The following B3GLCT variants were observed in gnomAD, a reference collection of about 807,000 sequenced individuals.
The protein encoded by B3GLCT is beta-1,3-glucosyltransferase.
B3GLCT carries 65 observed loss-of-function variants against 63.4 expected under a neutral mutation model. The ratio of observed to expected loss-of-function variants is 1.03; its 90% CI spans 0.84 to 1.26. B3GLCT has a LOEUF of 1.26. Ranked by LOEUF, B3GLCT falls within the 50% of genes most tolerant of loss-of-function variation. B3GLCT has a pLI of 0.00. For synonymous variants in B3GLCT, 233 were observed against 219.2 expected (o/e 1.06, Z -0.55); for missense variants, 577 against 604.8 (o/e 0.95, Z 0.48).
chr13:31,327,486 G>A (rs528007178), intron 14 of B3GLCT, among the ~76,000 whole-genome samples: 1 of 152,310 alleles, frequency 6.6e-6, no homozygotes, highest in South Asian at 2.1e-4. Context: ...TAGGAATTGT[G>A]TATTTCTGGA....
At chr13:31,247,610 G>A (rs1391636728) in intron 5 of B3GLCT, among the ~76,000 whole-genome samples, 2 of 152,156 alleles carry the variant, frequency 1.3e-5, no homozygotes, top group East Asian at 3.8e-4. Context: ...AATGCTTCAA[G>A]TTGATATTTG....
intron 4 of B3GLCT, among the ~76,000 whole-genome samples, chr13:31,241,460 T>C (rs1482938027): frequency 6.6e-6 from 1 of 152,214 alleles, no homozygotes; most frequent in Non-Finnish European, 1.5e-5. Context: ...TGGTGTGTGA[T>C]GCCCAGCAGG....
At chr13:31,258,826 A>G (rs1377912825) in intron 6 of B3GLCT, among the ~76,000 whole-genome samples, 1 of 152,130 alleles carries the variant, frequency 6.6e-6, no homozygotes, top group African/African-American at 2.4e-5. Flanking sequence ...CTACAACTTG[A>G]TGACTTTTGT....
At chr13:31,266,237 T>A (rs1408999680) in intron 7 of B3GLCT, among the ~76,000 whole-genome samples, 28 of 151,980 alleles carry the variant, frequency 1.8e-4, no homozygotes, top group South Asian at 8.3e-4. Context: ...TGACCTCATG[T>A]TTTGCCCGCC....
Position 31,329,945 on chromosome 13 carries a change from G to GTT in B3GLCT, c.*285_*286dup. The GTT allele has an allele frequency of 1.4e-5, 6 of 417,620 alleles. No homozygotes were observed. The highest frequency in any genetic ancestry group is 2.4e-5 in the South Asian group (1 of 41,842). 25.9% of individuals were successfully genotyped at this position (417,620 alleles called of 1,614,324 possible). ...GTATTCTCCAAGCTGTGATACAGCA[G>GTT]TTTTTTTTTATTGTCACAGGGAAAT... On this transcript the variant is annotated 3_prime_UTR_variant, in exon 15 of 15. Coordinates refer to ENST00000343307, the MANE Select transcript of B3GLCT (RefSeq NM_194318.4).
At chr13:31,240,505 CT>C (rs1232369802) in intron 4 of B3GLCT, among the ~76,000 whole-genome samples, 1 of 146,400 alleles carries the variant, frequency 6.8e-6, no homozygotes, top group Non-Finnish European at 1.5e-5. Flanking sequence ...TTAAAAACAC[CT>C]GATTTTCATT....
chr13:31,272,836 T>A (rs1456913950), intron 8 of B3GLCT, among the ~76,000 whole-genome samples: 3 of 152,300 alleles, frequency 2.0e-5, no homozygotes, highest in African/African-American at 4.8e-5. Flanking sequence ...TATTAACTCA[T>A]CATATATTTG....
intron 2 of B3GLCT, among the ~76,000 whole-genome samples, chr13:31,216,605 C>T (rs574978372): frequency 1.4e-4 from 22 of 152,292 alleles, no homozygotes; most frequent in African/African-American, 4.1e-4. Flanking sequence ...TCCTCCCACC[C>T]GCCACTCTCA....
In B3GLCT at chr13:31,331,014, A is replaced by AC. The variant is rs1258667892; in HGVS notation, c.*1348dup. On this transcript the variant is annotated 3_prime_UTR_variant, in exon 15 of 15. Transcript: ENST00000343307. The stretch of plus-strand genomic sequence containing the variant: ...TTACCATTTTTCCAAATTAGCAACT[A>AC]CCAGACCTCACGTGTTGCAGTGATA... 1 of 152,206 alleles carries AC rather than the reference A, an allele frequency of 6.6e-6. No individual in the cohort carries two copies. Among genetic ancestry groups the AC allele is most frequent in the Non-Finnish European group, 1.5e-5 (1 of 68,036 alleles). 9.4% of individuals were successfully genotyped at this position (152,206 alleles called of 1,614,324 possible). A position where few individuals can be genotyped will look rare whatever the true frequency, so the allele number is the denominator to read the frequency against.
intron 1 of B3GLCT, among the ~76,000 whole-genome samples, chr13:31,207,296 T>G (rs1004971055): frequency 4.6e-5 from 7 of 152,090 alleles, no homozygotes; most frequent in African/African-American, 1.7e-4. Context: ...AATTTTTTTT[T>G]TTTGTTTGAA....
At chr13:31,225,193 C>T (rs921532620) in intron 3 of B3GLCT, among the ~76,000 whole-genome samples, 5 of 152,218 alleles carry the variant, frequency 3.3e-5, no homozygotes, top group Non-Finnish European at 1.5e-5. Flanking sequence ...GGGGGAGAAA[C>T]AATGACAATC....
intron 1 of B3GLCT, among the ~76,000 whole-genome samples, chr13:31,206,321 T>C (rs1489118242): frequency 6.6e-6 from 1 of 152,172 alleles, no homozygotes; most frequent in African/African-American, 2.4e-5. Context: ...ATTCAGAAGA[T>C]CTGAAATGAG....
intron 1 of B3GLCT, among the ~76,000 whole-genome samples, chr13:31,210,446 C>G (rs1428729170): frequency 6.6e-6 from 1 of 152,174 alleles, no homozygotes; most frequent in African/African-American, 2.4e-5. Flanking sequence ...CTGTGTACCC[C>G]TTTGGTTGGG....
At chr13:31,211,583 GT>G (rs978800668) in intron 1 of B3GLCT, among the ~76,000 whole-genome samples, 5 of 149,730 alleles carry the variant, frequency 3.3e-5, no homozygotes, top group African/African-American at 1.2e-4. Flanking sequence ...GACTTTTTTG[GT>G]TTGGGTTTTT....
chr13:31,296,607 A>G (rs1196099335), intron 12 of B3GLCT, among the ~76,000 whole-genome samples: 2 of 152,184 alleles, frequency 1.3e-5, no homozygotes, highest in East Asian at 3.9e-4. Context: ...CATAACAGCT[A>G]CTAGTCTTCT....
chr13:31,229,254 T>A lies in B3GLCT; in HGVS notation c.230T>A (p.Leu77Ter). Residue 77 changes from leucine to a stop codon, truncating the protein, a stop_gained, in exon 4 of 15, where the codon TTA (leucine) becomes TAA (stop). Coordinates refer to ENST00000343307, the MANE Select transcript of B3GLCT (RefSeq NM_194318.4). LOFTEE classifies it high-confidence loss of function. Reference sequence around the variant, plus strand: ...TTTCATGCAAAGAGAGCAGAGCAGTTAAAAAAAAGCATCTTAAAGCAGGCT... The same window carrying A: ...TTTCATGCAAAGAGAGCAGAGCAGTAAAAAAAAAGCATCTTAAAGCAGGCT... Reference protein sequence around the residue: ...NSFHAKRAEQLKKSILKQAAD... With the variant: ...NSFHAKRAEQ 1 of 1,612,610 alleles carries A rather than the reference T, an allele frequency of 6.2e-7. No homozygotes were observed. The highest frequency in any genetic ancestry group is 8.5e-7 in the Non-Finnish European group (1 of 1,178,778).
intron 12 of B3GLCT, 78 bp from the exon 13 acceptor site, chr13:31,317,488 G>A (rs974430668): frequency 2.0e-6 from 3 of 1,521,092 alleles, no homozygotes; most frequent in East Asian, 2.3e-5. Flanking sequence ...ATACAGAGTG[G>A]GATGTAAGAA....
At chr13:31,317,803 T>G (rs1397278975) in intron 13 of B3GLCT, 118 bp downstream of exon 13, 5 of 1,245,344 alleles carry the variant, frequency 4.0e-6, no homozygotes, top group South Asian at 1.2e-5. Context: ...GAATGGTGGT[T>G]GTTACTATAA....
chr13:31,233,092 A>G (rs962854697), intron 4 of B3GLCT, among the ~76,000 whole-genome samples: 10 of 152,238 alleles, frequency 6.6e-5, no homozygotes, highest in Admixed American at 2.0e-4. Context: ...GTAGGTATTC[A>G]GCATATGGCA....
Sources: gnomAD v4.1 joint callset for allele counts (sites outside exome capture counted in the v4.1 genomes callset) on GRCh38, gnomAD v4.1.1 for gene constraint, MANE v1.5 for transcripts, NCBI Gene and HGNC (gene_info 2026-07-23, HGNC 2026-07-21) for gene names.